Variants in NFIA observed in about 807,000 individuals in gnomAD.
NFIA encodes nuclear factor 1 A-type.
Under a neutral mutation model 62.8 loss-of-function variants are expected in NFIA, and 8 were observed. The ratio of observed to expected loss-of-function variants is 0.13; its 90% CI spans 0.07 to 0.23. NFIA has a LOEUF of 0.23. Among genes scored for constraint, NFIA ranks in the 10% least tolerant of loss-of-function variants. The pLI is 1.00. For missense variants in NFIA, 410 were observed against 642.1 expected (o/e 0.64, Z 3.91); for synonymous variants, 235 against 238.1 (o/e 0.99, Z 0.12).
At chr1:61,204,671 C>G (rs951735626) in intron 2 of NFIA, among the ~76,000 whole-genome samples, 1 of 152,064 alleles carries the variant, frequency 6.6e-6, no homozygotes, top group Admixed American at 6.6e-5. Context: ...TCTGCCCCCC[C>G]CACCCTTGGG....
At chr1:61,310,189 C>A (rs1660023756) in intron 3 of NFIA, among the ~76,000 whole-genome samples, 1 of 151,888 alleles carries the variant, frequency 6.6e-6, no homozygotes, top group South Asian at 2.1e-4. Context: ...GGGCCGATGG[C>A]CACATTTTCT....
intron 2 of NFIA, among the ~76,000 whole-genome samples, chr1:61,207,113 C>T (rs1246387046): frequency 1.3e-5 from 2 of 152,056 alleles, no homozygotes; most frequent in African/African-American, 4.8e-5. Flanking sequence ...AATGGTTCTG[C>T]TGAGGTGGTT....
chr1:61,197,501 T>G (rs1652113202), intron 2 of NFIA, among the ~76,000 whole-genome samples: 1 of 151,526 alleles, frequency 6.6e-6, no homozygotes, highest in Non-Finnish European at 1.5e-5. Context: ...CCTCCCAAAG[T>G]GCTGGGATTA....
chr1:61,095,295 T>C (rs549416620), intron 2 of NFIA, among the ~76,000 whole-genome samples: 1 of 152,334 alleles, frequency 6.6e-6, no homozygotes, highest in South Asian at 2.1e-4. Context: ...CATAGTCATA[T>C]ATTGTAGCTT....
At chr1:61,241,891 A>G (rs1655371734) in intron 2 of NFIA, among the ~76,000 whole-genome samples, 1 of 152,146 alleles carries the variant, frequency 6.6e-6, no homozygotes, top group Admixed American at 6.6e-5. Flanking sequence ...AATATGCACA[A>G]AATAATTCTT....
chr1:61,192,631 A>C (rs1490785115), intron 2 of NFIA, among the ~76,000 whole-genome samples: 1 of 151,700 alleles, frequency 6.6e-6, no homozygotes, highest in African/African-American at 2.4e-5. Flanking sequence ...TGAACTGGGG[A>C]GGCGGAGGTT....
chr1:61,205,227 T>C (rs1331817358), intron 2 of NFIA, among the ~76,000 whole-genome samples: 1 of 152,178 alleles, frequency 6.6e-6, no homozygotes, highest in African/African-American at 2.4e-5. Context: ...GTTGTCTTAA[T>C]TCCCAAGTCT....
chr1:61,151,620 A>G (rs1648418333), intron 2 of NFIA, among the ~76,000 whole-genome samples: 1 of 152,148 alleles, frequency 6.6e-6, no homozygotes, highest in South Asian at 2.1e-4. Context: ...CAATACTGGA[A>G]GTTCATGACA....
chr1:61,142,103 A>T (rs950981295), intron 2 of NFIA, among the ~76,000 whole-genome samples: 1 of 152,222 alleles, frequency 6.6e-6, no homozygotes, highest in African/African-American at 2.4e-5. Context: ...CCTTAAAAAA[A>T]AAAAATTGTG....
chr1:61,131,186 C>A (rs374238531), intron 2 of NFIA, among the ~76,000 whole-genome samples: 1 of 113,138 alleles, frequency 8.8e-6, no homozygotes, highest in Admixed American at 8.9e-5. Context: ...CTAAATCTTT[C>A]TTTTTTGTAC....
In NFIA at chr1:61,461,442, G is replaced by A. The variant is rs2147962989; in HGVS notation, c.*6122G>A. The stretch of plus-strand genomic sequence containing the variant: ...GGATTTTTTTAATATACTTTTTTTG[G>A]TCTAAATTTGAAATTACTTGCTTCC... On this transcript the variant is annotated 3_prime_UTR_variant, in exon 11 of 11. Transcript: ENST00000403491. The A allele has an allele frequency of 6.6e-6, 1 of 152,158 alleles. No individual in the cohort carries two copies. Among genetic ancestry groups the A allele is most frequent in the Middle Eastern group, 3.4e-3 (1 of 294 alleles). 9.4% of individuals were successfully genotyped at this position (152,158 alleles called of 1,614,324 possible).
chr1:61,264,049 G>A (rs17377428), intron 2 of NFIA, among the ~76,000 whole-genome samples: 10,507 of 152,166 alleles, frequency 0.069, 383 homozygotes, highest in East Asian at 0.13. Flanking sequence ...GGAATTCTTG[G>A]TGAACATGAT....
At chr1:61,237,658 ATT>A (rs1379154476) in intron 2 of NFIA, among the ~76,000 whole-genome samples, 3 of 152,012 alleles carry the variant, frequency 2.0e-5, no homozygotes, top group African/African-American at 7.2e-5. Flanking sequence ...CTCTCCCATC[ATT>A]GTTTTCAAAT....
At chr1:61,207,361 GAT>G (rs1424704186) in intron 2 of NFIA, among the ~76,000 whole-genome samples, 1 of 152,036 alleles carries the variant, frequency 6.6e-6, no homozygotes, top group Non-Finnish European at 1.5e-5. Context: ...ATGATTTTTA[GAT>G]TTAAAACAAG....
In NFIA at chr1:61,319,790, A is replaced by AACACAC. The variant is rs58845526; in HGVS notation, c.626-12681_626-12676dup. On this transcript the variant is annotated intron_variant, in intron 3 of 10. Coordinates refer to ENST00000403491, the MANE Select transcript of NFIA (RefSeq NM_001134673.4). ...CAATGATTTCTTCCTGGAAGAATTA[A>AACACAC]ACACACACACACACACACACACACA... Among the ~76,000 whole-genome samples, 1,099 of 139,588 alleles carry AACACAC rather than the reference A, an allele frequency of 7.9e-3. 11 individuals carry two copies. The highest frequency in any genetic ancestry group is 0.025 in the Middle Eastern group (7 of 282). 91.6% of individuals were successfully genotyped at this position (139,588 alleles called of 152,430 possible).
intron 2 of NFIA, among the ~76,000 whole-genome samples, chr1:61,193,945 A>T (rs539726058): frequency 6.6e-5 from 10 of 152,294 alleles, no homozygotes; most frequent in African/African-American, 2.2e-4. Flanking sequence ...TCCAGAGTCA[A>T]CTTAACTTTT....
At chr1:61,407,632 G>A (rs1320413307) in intron 9 of NFIA, among the ~76,000 whole-genome samples, 1 of 152,174 alleles carries the variant, frequency 6.6e-6, no homozygotes, top group African/African-American at 2.4e-5. Context: ...AAGCTGTAAA[G>A]AGGCAGCAAA....
chr1:61,083,135 A>G (rs959354187), intron 1 of NFIA, among the ~76,000 whole-genome samples: 2 of 152,132 alleles, frequency 1.3e-5, no homozygotes, highest in African/African-American at 4.8e-5. Context: ...GCGGAACAGC[A>G]GTGTTTTCGG....
intron 2 of NFIA, among the ~76,000 whole-genome samples, chr1:61,208,794 G>T (rs1165015667): frequency 6.6e-6 from 1 of 151,902 alleles, no homozygotes; most frequent in Admixed American, 6.6e-5. Context: ...CTTTATTATT[G>T]AAAATAATAA....
Sources: allele counts gnomAD v4.1 joint callset (sites outside exome capture counted in the v4.1 genomes callset), GRCh38; gene constraint gnomAD v4.1.1; transcripts MANE v1.5; gene names NCBI Gene and HGNC (gene_info 2026-07-23, HGNC 2026-07-21).